SCN8A: variants seen among roughly 807,000 people sequenced by gnomAD.
SCN8A encodes sodium voltage-gated channel alpha subunit 8, also known as sodium channel protein type 8 subunit alpha.
SCN8A carries 30 observed loss-of-function variants against 184.1 expected under a neutral mutation model. The ratio of observed to expected loss-of-function variants is 0.16; its 90% confidence interval spans 0.12 to 0.22. SCN8A has a LOEUF of 0.22. Ranked by LOEUF, SCN8A falls within the 10% of genes least tolerant of loss-of-function variation. SCN8A has a pLI of 1.00. For missense variants in SCN8A, 1,057 were observed against 2,498.9 expected, an observed-to-expected ratio of 0.42 and a Z score of 12.30; for synonymous variants, 852 against 907.0, an observed-to-expected ratio of 0.94 and a Z score of 1.09.
rs574594421 is a variant in SCN8A, at chr12:51,777,465, GTTGT to G, written c.3819+3118_3819+3121del. ...GATGTCTCCTCAATTCCTTTTTTTT[GTTGT>G]TTGTTTGTTTGTTTTAGGTTTGATT... On this transcript the variant is annotated intron_variant, in intron 20 of 26. Transcript: ENST00000627620. Among the ~76,000 whole-genome samples, 144 of 151,640 alleles carry G rather than the reference GTTGT, an allele frequency of 9.5e-4. No individual in the cohort carries two copies. In the South Asian group the frequency reaches 0.011, roughly 12 times the overall value.
intron 11 of SCN8A, among the ~76,000 whole-genome samples, chr12:51,707,350 C>G (rs113172592): frequency 2.6e-5 from 4 of 152,002 alleles, no homozygotes; most frequent in Non-Finnish European, 4.4e-5. Flanking sequence ...TATTAACTTA[C>G]ACAATCACAA....
intron 12 of SCN8A, among the ~76,000 whole-genome samples, chr12:51,738,407 C>T (rs558399843): frequency 1.1e-4 from 16 of 152,138 alleles, no homozygotes; most frequent in South Asian, 4.1e-4. Context: ...TTCAGTTGAG[C>T]GGATTGAATT....
chr12:51,686,962 C>A, intron 4 of SCN8A, 129 bp from the exon 5 acceptor site: 1 of 840,212 alleles, frequency 1.2e-6, no homozygotes, highest in Admixed American at 2.5e-5. Flanking sequence ...TTCCTTCCTG[C>A]TGCATTGGCT....
chr12:51,728,917 A>C (rs1448265493), intron 12 of SCN8A, among the ~76,000 whole-genome samples: 1 of 151,964 alleles, frequency 6.6e-6, no homozygotes, highest in African/African-American at 2.4e-5. Context: ...CCATGCCAAC[A>C]GCCTCCATTC....
At position 51,701,248 on chromosome 12, in the gene SCN8A, A is replaced by T. The variant is rs750112343; in HGVS notation, c.992+41A>T. 3 of 1,365,092 alleles carry T rather than the reference A, an allele frequency of 2.2e-6. No individual in the cohort carries two copies. The Admixed American group carries it at 6.0e-5, about 28-fold the overall frequency. 84.6% of individuals were successfully genotyped at this position (1,365,092 alleles called of 1,614,324 possible). On this transcript the variant is annotated intron_variant, in intron 8 of 26. Coordinates refer to ENST00000627620, the MANE Select transcript of SCN8A (RefSeq NM_001330260.2). Reference sequence around the variant, plus strand: ...AGTTTTATTCTCTTTCCTTAAAATAATGTACCTGTTATTAGTAGGGTCAAA... The same window carrying T: ...AGTTTTATTCTCTTTCCTTAAAATATTGTACCTGTTATTAGTAGGGTCAAA...
At chr12:51,796,739 C>T (rs1368283025) in intron 26 of SCN8A, among the ~76,000 whole-genome samples, 2 of 152,160 alleles carry the variant, frequency 1.3e-5, no homozygotes, top group African/African-American at 4.8e-5. Flanking sequence ...ACAGTGCAGC[C>T]TTTGGTCTGG....
At chr12:51,623,970 C>T (rs1326362207) in intron 1 of SCN8A, among the ~76,000 whole-genome samples, 1 of 152,198 alleles carries the variant, frequency 6.6e-6, no homozygotes, top group Admixed American at 6.5e-5. Context: ...CATAGTATTC[C>T]ATGGTGTATA....
At chr12:51,679,488 G>A (rs1323284583) in intron 2 of SCN8A, among the ~76,000 whole-genome samples, 2 of 152,114 alleles carry the variant, frequency 1.3e-5, no homozygotes. Context: ...CTCTTCTTGG[G>A]TTGCATGTTG....
intron 26 of SCN8A, 47 bp downstream of exon 26, chr12:51,794,688 A>T: frequency 6.4e-7 from 1 of 1,567,142 alleles, no homozygotes; most frequent in African/African-American, 1.3e-5. Context: ...GACCTGACTG[A>T]TTGTGAGGAT....
At chr12:51,615,456 G>T (rs1429205539) in intron 1 of SCN8A, among the ~76,000 whole-genome samples, 1 of 152,096 alleles carries the variant, frequency 6.6e-6, no homozygotes, top group East Asian at 1.9e-4. Flanking sequence ...CTGGAGGCTG[G>T]GGTGAAGGAT....
chr12:51,749,875 G>C (rs12302725), intron 13 of SCN8A, among the ~76,000 whole-genome samples: 42 of 152,172 alleles, frequency 2.8e-4, no homozygotes, highest in African/African-American at 9.9e-4. Flanking sequence ...CAGAGAGAGA[G>C]TAGCTGTTAC....
chr12:51,713,304 A>G lies in SCN8A; in HGVS notation c.1635+6589A>G, dbSNP rs190769531. The G allele has an allele frequency of 2.4e-5, 27 of 1,111,598 alleles. 1 individual carries two copies. In the African/African-American group the frequency reaches 3.9e-4, roughly 16 times the overall value. The allele number at this position is 1,111,598 out of a possible 1,614,324, so 68.9% of individuals were successfully genotyped here. A position where few individuals can be genotyped will look rare whatever the true frequency, so the allele number is the denominator to read the frequency against. ...CTCTCTTTGGTTCCACTACATGCCC[A>G]TCAACCTTGTGTGGTCAAGCACACA... On this transcript the variant is annotated intron_variant, in intron 11 of 26. Transcript: ENST00000627620.
rs534365427 is a variant in SCN8A, at chr12:51,649,349, C to T, written c.-54-13415C>T. Among the ~76,000 whole-genome samples the T allele has an allele frequency of 1.8e-4, 27 of 152,352 alleles. 1 individual carries two copies. In the South Asian group the frequency reaches 5.6e-3, roughly 32 times the overall value. On this transcript the variant is annotated intron_variant, in intron 1 of 26. Coordinates refer to ENST00000627620, the MANE Select transcript of SCN8A (RefSeq NM_001330260.2). ...CTGGAGGACGGTGGCCCTCTTCTCA[C>T]AGCTCCACTAGGCATTGCCCCAGTA...
intron 18 of SCN8A, 143 bp from the exon 19 acceptor site, chr12:51,770,386 C>T (rs1942906121): frequency 1.0e-6 from 1 of 961,664 alleles, no homozygotes; most frequent in Non-Finnish European, 1.5e-6. Flanking sequence ...CTCTCCATTT[C>T]TGAATCAGAC....
At chr12:51,639,596 C>A (rs10459240) in intron 1 of SCN8A, among the ~76,000 whole-genome samples, 5 of 152,102 alleles carry the variant, frequency 3.3e-5, no homozygotes, top group Non-Finnish European at 7.4e-5. Context: ...GAAAGATGCT[C>A]TGCTGTGGAT....
At chr12:51,766,125 C>T in intron 16 of SCN8A, 98 bp downstream of exon 16, 1 of 936,046 alleles carries the variant, frequency 1.1e-6, no homozygotes, top group South Asian at 1.3e-5. Flanking sequence ...CTTCTACTAC[C>T]CGTCATGTTT....
At chr12:51,608,712 T>A (rs1939652951) in intron 1 of SCN8A, among the ~76,000 whole-genome samples, 1 of 151,958 alleles carries the variant, frequency 6.6e-6, no homozygotes, top group African/African-American at 2.4e-5. Context: ...CATTTTTGTA[T>A]TTTTTTTGTT....
At chr12:51,606,218 T>G (rs1008577713) in intron 1 of SCN8A, among the ~76,000 whole-genome samples, 4 of 152,248 alleles carry the variant, frequency 2.6e-5, no homozygotes, top group Non-Finnish European at 5.9e-5. Flanking sequence ...TTTTATAGTT[T>G]CAGGTTTTAG....
chr12:51,702,210 T>C (rs1941702018), intron 8 of SCN8A, among the ~76,000 whole-genome samples: 1 of 150,614 alleles, frequency 6.6e-6, no homozygotes, highest in Non-Finnish European at 1.5e-5. Flanking sequence ...TAATCCCAGC[T>C]ACTCGGGAGG....
Sources: gnomAD v4.1 joint callset for allele counts (sites outside exome capture counted in the v4.1 genomes callset) on GRCh38, gnomAD v4.1.1 for gene constraint, MANE v1.5 for transcripts, NCBI Gene and HGNC (gene_info 2026-07-23, HGNC 2026-07-21) for gene names.